Variants in FSTL1 observed in about 807,000 individuals in gnomAD.
FSTL1 encodes the protein follistatin like 1, also known as follistatin-related protein 1.
A neutral mutation model predicts 45.9 loss-of-function variants in FSTL1; 24 were observed. The ratio of observed to expected loss-of-function variants is 0.52; its 90% CI spans 0.38 to 0.74. The LOEUF is 0.74. FSTL1 is among the 30% of genes least tolerant of loss of function. FSTL1 has a pLI of 0.00. For synonymous variants in FSTL1, 120 were observed against 137.6 expected, an observed-to-expected ratio of 0.87 and a Z score of 0.89; for missense variants, 340 against 381.8, an observed-to-expected ratio of 0.89 and a Z score of 0.91.
At chr3:120,430,235 T>A (rs193213251) in intron 2 of FSTL1, among the ~76,000 whole-genome samples, 2 of 152,276 alleles carry the variant, frequency 1.3e-5, no homozygotes, top group African/African-American at 4.8e-5. Context: ...CTCAGAGACT[T>A]TGGGAATCAC....
chr3:120,402,542 C>T (rs1316636426), intron 9 of FSTL1, among the ~76,000 whole-genome samples: 1 of 151,978 alleles, frequency 6.6e-6, no homozygotes, highest in African/African-American at 2.4e-5. Flanking sequence ...TGTTACTATT[C>T]CATTATCATT....
intron 6 of FSTL1, among the ~76,000 whole-genome samples, chr3:120,408,562 A>C (rs895194971): frequency 6.6e-6 from 1 of 152,226 alleles, no homozygotes; most frequent in African/African-American, 2.4e-5. Flanking sequence ...ATGTGTCTGA[A>C]GTTGCTCCTG....
intron 2 of FSTL1, among the ~76,000 whole-genome samples, chr3:120,446,653 C>CA (rs1196864677): frequency 6.6e-6 from 1 of 152,174 alleles, no homozygotes; most frequent in Non-Finnish European, 1.5e-5. Flanking sequence ...AAGATGCAGT[C>CA]AGAGATATGG....
At chr3:120,417,784 A>G (rs957304772) in intron 2 of FSTL1, among the ~76,000 whole-genome samples, 11 of 152,188 alleles carry the variant, frequency 7.2e-5, no homozygotes. Flanking sequence ...CCTGCACTCA[A>G]AGACACCCGC....
Position 120,396,337 on chromosome 3 carries a change from T to C in FSTL1, c.*615A>G, listed in dbSNP as rs1241123364. Reference sequence around the variant, plus strand: ...GGTAAAAAGTATTTTTAAAATTTGGTTAGGTCGCTAAGGGGCTCAAAGTAT... The same window carrying C: ...GGTAAAAAGTATTTTTAAAATTTGGCTAGGTCGCTAAGGGGCTCAAAGTAT... On this transcript the variant is annotated 3_prime_UTR_variant, in exon 11 of 11. Transcript: ENST00000295633. The C allele has an allele frequency of 6.6e-6, 1 of 152,638 alleles. No individual in the cohort carries two copies. The highest frequency in any genetic ancestry group is 2.4e-5 in the African/African-American group (1 of 41,336). 9.5% of individuals were successfully genotyped at this position (152,638 alleles called of 1,614,324 possible).
intron 3 of FSTL1, among the ~76,000 whole-genome samples, chr3:120,415,022 A>G (rs1373235747): frequency 2.0e-5 from 3 of 151,974 alleles, no homozygotes; most frequent in Non-Finnish European, 4.4e-5. Flanking sequence ...AAGAAAGAAA[A>G]AAAATCTTTA....
intron 4 of FSTL1, 132 bp from the exon 5 acceptor site, chr3:120,411,116 C>A (rs925666774): frequency 1.6e-6 from 1 of 618,666 alleles, no homozygotes; most frequent in African/African-American, 1.9e-5. Context: ...GTCTTGAATC[C>A]TTTCCCTTCC....
At chr3:120,416,907 C>A (rs1483171440) in intron 2 of FSTL1, among the ~76,000 whole-genome samples, 2 of 152,216 alleles carry the variant, frequency 1.3e-5, no homozygotes, top group Non-Finnish European at 2.9e-5. Flanking sequence ...AGGCACTGAT[C>A]TGTTGGTGGC....
intron 7 of FSTL1, 144 bp from the exon 8 acceptor site, chr3:120,403,498 C>T (rs1239635052): frequency 5.0e-6 from 3 of 597,010 alleles, no homozygotes; most frequent in Non-Finnish European, 9.0e-6. Flanking sequence ...TCTCTCTACA[C>T]TGACCCAACA....
intron 2 of FSTL1, among the ~76,000 whole-genome samples, chr3:120,450,075 CCCAAAGA>C (rs1937849863): frequency 6.6e-6 from 1 of 152,028 alleles, no homozygotes; most frequent in Non-Finnish European, 1.5e-5. Flanking sequence ...AACTCGAGCC[CCCAAAGA>C]GCAGAGCAAT....
chr3:120,447,852 T>C (rs1185767375), intron 2 of FSTL1, among the ~76,000 whole-genome samples: 2 of 152,200 alleles, frequency 1.3e-5, no homozygotes, highest in Non-Finnish European at 2.9e-5. Context: ...GGTCTCACGA[T>C]GTTGCCCAGG....
At chr3:120,433,950 C>T (rs911420994) in intron 2 of FSTL1, among the ~76,000 whole-genome samples, 1 of 152,156 alleles carries the variant, frequency 6.6e-6, no homozygotes, top group Admixed American at 6.5e-5. Flanking sequence ...TTTAAAGGTA[C>T]TGATAAGTCT....
chr3:120,415,149 A>C (rs943496206), intron 3 of FSTL1, among the ~76,000 whole-genome samples: 8 of 151,910 alleles, frequency 5.3e-5, no homozygotes, highest in African/African-American at 1.7e-4. Flanking sequence ...TAAAAAAAAA[A>C]AACCCTGCAT....
At chr3:120,403,701 G>A (rs1040276283) in intron 7 of FSTL1, among the ~76,000 whole-genome samples, 1 of 151,950 alleles carries the variant, frequency 6.6e-6, no homozygotes, top group Non-Finnish European at 1.5e-5. Context: ...TACACGTCAA[G>A]TCAACCAAAC....
chr3:120,422,797 C>A (rs1056476096), intron 2 of FSTL1, among the ~76,000 whole-genome samples: 1 of 151,960 alleles, frequency 6.6e-6, no homozygotes, highest in African/African-American at 2.4e-5. Context: ...CGGGTTCAAG[C>A]GATTCTCCTG....
At chr3:120,426,087 C>T (rs1209955489) in intron 2 of FSTL1, among the ~76,000 whole-genome samples, 1 of 152,102 alleles carries the variant, frequency 6.6e-6, no homozygotes, top group Non-Finnish European at 1.5e-5. Flanking sequence ...GCTGCCAGGG[C>T]TCACATTTAC....
chr3:120,405,274 A>G (rs960275928), intron 6 of FSTL1, among the ~76,000 whole-genome samples: 2 of 152,178 alleles, frequency 1.3e-5, no homozygotes, highest in Non-Finnish European at 2.9e-5. Flanking sequence ...ACTTTTGACT[A>G]TACCTTTGGG....
intron 2 of FSTL1, among the ~76,000 whole-genome samples, chr3:120,446,414 T>TAG (rs1432491643): frequency 6.6e-5 from 10 of 152,330 alleles, no homozygotes; most frequent in Admixed American, 4.6e-4. Flanking sequence ...AGGGGAACTG[T>TAG]AACGTGTCCA....
chr3:120,411,877 A>C lies in FSTL1; in HGVS notation c.275T>G (p.Val92Gly), dbSNP rs766161987. 55 of 1,613,984 alleles carry C rather than the reference A, an allele frequency of 3.4e-5. No homozygotes were observed. Among genetic ancestry groups the C allele is most frequent in the Non-Finnish European group, 4.2e-5 (50 of 1,179,922 alleles). Residue 92 changes from valine (V) to glycine (G), a missense_variant, in exon 4 of 11, where the codon GTT becomes GGT. Coordinates refer to ENST00000295633, the MANE Select transcript of FSTL1 (RefSeq NM_007085.5). ...DACLTGSKIQVDYDGHCKEKK... is the reference protein window; with the variant it reads ...DACLTGSKIQGDYDGHCKEKK... ...ACCTTTGCAGTGTCCATCGTAATCA[A>C]CCTGGATTTTGGATCCAGTGAGGCA...
Sources: gnomAD v4.1 joint callset for allele counts (sites outside exome capture counted in the v4.1 genomes callset) on GRCh38, gnomAD v4.1.1 for gene constraint, MANE v1.5 for transcripts, NCBI Gene and HGNC (gene_info 2026-07-23, HGNC 2026-07-21) for gene names.